Variants in CDH22 observed in about 807,000 individuals in gnomAD.
CDH22 encodes the protein cadherin-22.
A neutral mutation model predicts 58.4 loss-of-function variants in CDH22; 30 were observed. The ratio of observed to expected loss-of-function variants is 0.51; its 90% CI spans 0.38 to 0.70. The LOEUF is 0.70. Ranked by LOEUF, CDH22 falls within the 30% of genes least tolerant of loss-of-function variation. The pLI is 0.00. For missense variants in CDH22, 1,014 were observed against 1,233.9 expected, an observed-to-expected ratio of 0.82 and a Z score of 2.67; for synonymous variants, 513 against 558.2, an observed-to-expected ratio of 0.92 and a Z score of 1.14.
chr20:46,185,105 A>AAACAAAC (rs1568650991), intron 10 of CDH22, among the ~76,000 whole-genome samples: 1 of 78,936 alleles, frequency 1.3e-5, no homozygotes, highest in Non-Finnish European at 2.9e-5. Context: ...AACAAACAAA[A>AAACAAAC]AACAACAAAA....
chr20:46,177,313 G>T (rs1398848626), intron 11 of CDH22, among the ~76,000 whole-genome samples: 2 of 152,190 alleles, frequency 1.3e-5, no homozygotes, highest in South Asian at 4.1e-4. Flanking sequence ...TCAAATCCAG[G>T]TTAGCTTCTG....
At chr20:46,199,906 T>C (rs76817925) in intron 7 of CDH22, among the ~76,000 whole-genome samples, 4,315 of 151,478 alleles carry the variant, frequency 0.028, 214 homozygotes, top group African/African-American at 0.1. Context: ...TTCTTTTCTT[T>C]TCTTCTTTCT....
Position 46,186,836 on chromosome 20 carries a change from T to C in CDH22, c.1535A>G (p.Lys512Arg), listed in dbSNP as rs768593705. ...PYEAAVCEDA[K>R]PGQLIQTISV... ...CCCCCTCAGGGGTACCTGGCCTGGCTTGGCATCCTCGCATACAGCTGCCTC... is the reference window on the plus strand; with the variant it reads ...CCCCCTCAGGGGTACCTGGCCTGGCCTGGCATCCTCGCATACAGCTGCCTC... The change falls in exon 9 of 12, where the codon AAG becomes AGG. Residue 512 changes from lysine to arginine, a missense_variant. Physicochemically the swap from Lys to Arg is conservative, Grantham distance 26 (BLOSUM62 2). Around this residue, in one of 2 missense-constraint regions of CDH22, gnomAD observed 806 missense variants for 1,038.7 expected, o/e 0.78. Transcript: ENST00000537909. 1.2e-6 allele frequency: 2 copies of C among 1,605,496 alleles called. No homozygotes were observed. The highest frequency in any genetic ancestry group is 3.4e-5 in the Admixed American group (2 of 59,260).
chr20:46,252,533 G>C (rs1483815332), intron 1 of CDH22, among the ~76,000 whole-genome samples: 1 of 152,240 alleles, frequency 6.6e-6, no homozygotes, highest in Non-Finnish European at 1.5e-5. Flanking sequence ...GCCATAAGAT[G>C]AATAATGGCT....
At chr20:46,192,702 C>G (rs1406182056) in intron 8 of CDH22, among the ~76,000 whole-genome samples, 1 of 152,080 alleles carries the variant, frequency 6.6e-6, no homozygotes, top group Non-Finnish European at 1.5e-5. Context: ...CAGCCCCTCC[C>G]TCCTCCCCGA....
At chr20:46,287,932 G>A (rs1568683754) in intron 1 of CDH22, among the ~76,000 whole-genome samples, 2 of 152,080 alleles carry the variant, frequency 1.3e-5, no homozygotes, top group African/African-American at 2.4e-5. Flanking sequence ...AGGTTGGAGA[G>A]GAGTGGGCTA....
chr20:46,307,158 A>T (rs1183832390), intron 1 of CDH22, among the ~76,000 whole-genome samples: 1 of 152,208 alleles, frequency 6.6e-6, no homozygotes, highest in Non-Finnish European at 1.5e-5. Context: ...GTTTGGAGAG[A>T]AGAGGTTCCA....
intron 8 of CDH22, among the ~76,000 whole-genome samples, chr20:46,192,947 G>A (rs933869143): frequency 1.3e-5 from 2 of 152,022 alleles, no homozygotes; most frequent in African/African-American, 2.4e-5. Flanking sequence ...AGGCTCAGGT[G>A]CCCTTCTCTG....
chr20:46,272,429 C>T (rs1286472431), intron 1 of CDH22, among the ~76,000 whole-genome samples: 3 of 152,174 alleles, frequency 2.0e-5, no homozygotes, highest in Non-Finnish European at 4.4e-5. Flanking sequence ...TGTAATTCAT[C>T]AGCAAGTAGA....
chr20:46,255,499 C>A (rs577922516), intron 1 of CDH22, among the ~76,000 whole-genome samples: 1 of 152,346 alleles, frequency 6.6e-6, no homozygotes, highest in Admixed American at 6.5e-5. Flanking sequence ...GCAGGGCAAG[C>A]CTGCCCCGCC....
chr20:46,174,497 G>A lies in CDH22; in HGVS notation c.*9C>T, dbSNP rs1388467684. 3 of 1,481,416 alleles carry A rather than the reference G, an allele frequency of 2.0e-6. No individual in the cohort carries two copies. Among genetic ancestry groups the A allele is most frequent in the Non-Finnish European group, 2.7e-6 (3 of 1,122,688 alleles). The allele number at this position is 1,481,416 out of a possible 1,614,324, so 91.8% of individuals were successfully genotyped here. The stretch of plus-strand genomic sequence containing the variant: ...GTGAGCAGCCGCGCCCCGACGGCAG[G>A]GCGAGGGGCTAGGAGGCCTGGGCCT... On this transcript the variant is annotated 3_prime_UTR_variant, in exon 12 of 12. Transcript: ENST00000537909. This position sits in a 1 kb window ranked among gnomAD's most constrained non-coding sequence, Gnocchi z 4.4.
chr20:46,295,426 C>G (rs551105417), intron 1 of CDH22, among the ~76,000 whole-genome samples: 2 of 152,298 alleles, frequency 1.3e-5, no homozygotes, highest in East Asian at 3.9e-4. Flanking sequence ...TTAAAGAAAC[C>G]CTTACATAGG....
rs1415499522 is a variant in CDH22 at position 46,300,471 on chromosome 20, C to T, written c.-400+7784G>A. Among the ~76,000 whole-genome samples the T allele has an allele frequency of 6.6e-6, 1 of 152,198 alleles. No homozygotes were observed. The highest frequency in any genetic ancestry group is 1.5e-5 in the Non-Finnish European group (1 of 68,030). The stretch of plus-strand genomic sequence containing the variant: ...GCCTGCCTGGTGCCTGTCACTCTGC[C>T]CATCACACACACAAGCGCGCGTGTG... On this transcript the variant is annotated intron_variant, in intron 1 of 11. Transcript: ENST00000537909. This position sits in a 1 kb window ranked among gnomAD's most constrained non-coding sequence, Gnocchi z 4.4.
intron 1 of CDH22, among the ~76,000 whole-genome samples, chr20:46,256,837 CA>C (rs918186192): frequency 2.0e-4 from 31 of 151,932 alleles, no homozygotes; most frequent in Admixed American, 1.8e-3. Context: ...CCTGTCTCTA[CA>C]AAAAACTATT....
intron 1 of CDH22, among the ~76,000 whole-genome samples, chr20:46,281,239 C>T (rs1336808392): frequency 6.6e-6 from 1 of 152,160 alleles, no homozygotes; most frequent in Non-Finnish European, 1.5e-5. Context: ...AGAGAGACTG[C>T]CTGGAGGCAG....
At chr20:46,203,946 G>C (rs956021050) in intron 7 of CDH22, among the ~76,000 whole-genome samples, 22 of 152,160 alleles carry the variant, frequency 1.4e-4, no homozygotes, top group African/African-American at 5.3e-4. Flanking sequence ...GTTTGTGGCA[G>C]CTCGTGTGTG....
intron 1 of CDH22, among the ~76,000 whole-genome samples, chr20:46,286,478 A>G (rs2086577343): frequency 6.6e-6 from 1 of 152,166 alleles, no homozygotes; most frequent in African/African-American, 2.4e-5. Context: ...ACACCTTTAA[A>G]CAAACAGCTG....
At position 46,186,687 on chromosome 20, in the gene CDH22, C is replaced by T. The variant is rs763315417; in HGVS notation, c.1564G>A (p.Val522Met). The T allele has an allele frequency of 6.2e-6, 10 of 1,613,768 alleles. No homozygotes were observed. The highest frequency in any genetic ancestry group is 1.3e-5 in the African/African-American group (1 of 74,900). Residue 522 changes from valine (V) to methionine (M), a missense_variant, in exon 10 of 12, where the codon GTG (valine) becomes ATG (methionine). Val to Met is a conservative substitution (Grantham distance 21, BLOSUM62 1). Transcript: ENST00000537909. ...CCTTGGGGCTCGTCTCTGTCCACCA[C>T]GCTGATGGTCTGGATGAGCTGAAGG... The part of the protein sequence containing the change: ...KPGQLIQTIS[V>M]VDRDEPQGGH...
rs2145738122 is a variant in CDH22 at position 46,251,306 on chromosome 20, G to A, written c.-12C>T. Reference sequence around the variant, plus strand: ...GGCCTCGGCCTCATCCTTGGCCTGCGCGGGGCTGGGGCCCAGGAGCATGGA... The same window carrying A: ...GGCCTCGGCCTCATCCTTGGCCTGCACGGGGCTGGGGCCCAGGAGCATGGA... On this transcript the variant is annotated 5_prime_UTR_variant, in exon 2 of 12. Transcript: ENST00000537909. This position sits in a 1 kb window ranked among gnomAD's most constrained non-coding sequence, Gnocchi z 6.7. 16 of 1,443,656 alleles carry A rather than the reference G, an allele frequency of 1.1e-5. No individual in the cohort carries two copies. The highest frequency in any genetic ancestry group is 3.1e-5 in the East Asian group (1 of 32,768). 89.4% of individuals were successfully genotyped at this position (1,443,656 alleles called of 1,614,324 possible). A position where few individuals can be genotyped will look rare whatever the true frequency, so the allele number is the denominator to read the frequency against.
Sources: gnomAD v4.1 joint callset for allele counts (sites outside exome capture counted in the v4.1 genomes callset) on GRCh38, gnomAD v4.1.1 for gene constraint, gnomAD v4.1.1 regional missense constraint, Gnocchi (gnomAD v3.1) non-coding constraint, MANE v1.5 for transcripts, NCBI Gene and HGNC (gene_info 2026-07-23, HGNC 2026-07-21) for gene names.